Variants in MYO1C observed in about 807,000 individuals in gnomAD.
The protein encoded by MYO1C is myosin IC, also known as unconventional myosin-Ic.
In MYO1C, 104 loss-of-function variants were observed where a neutral mutation model predicts 150.8. The observed-to-expected ratio is 0.69, with a 90% CI of 0.59 to 0.81. The LOEUF is 0.81. Among genes scored for constraint, MYO1C ranks in the 30% least tolerant of loss-of-function variants. The probability of loss-of-function intolerance (pLI) is 0.00; values close to 1 mark genes in which losing one functional copy is unlikely to be tolerated. For synonymous variants in MYO1C, 663 were observed against 579.9 expected (o/e 1.14, Z -2.06); for missense variants, 1,504 against 1,435.0 (o/e 1.05, Z -0.78).
rs1361402335 is a variant in MYO1C at position 1,478,057 on chromosome 17, C to T, written c.1401+30G>A. 9 of 1,613,464 alleles carry T rather than the reference C, an allele frequency of 5.6e-6. No homozygotes were observed. Among genetic ancestry groups the T allele is most frequent in the Non-Finnish European group, 7.6e-6 (9 of 1,179,478 alleles). On this transcript the variant is annotated intron_variant, in intron 12 of 31. Coordinates refer to ENST00000648651, the MANE Select transcript of MYO1C (RefSeq NM_001080779.2). The surrounding 1 kb of genome is among the most constrained non-coding windows in gnomAD (Gnocchi z 6.3). ...CCCGATACCCAGGCTCCCCGTGGCC[C>T]ACGGAGAGTGCCCCCAGGCTAGCAC...
rs8080389 is a variant in MYO1C at position 1,468,524 on chromosome 17, T to C, written c.2611-28A>G. ...GAGGAGACAAGGGGGGTGAGGAGAGTGTCATGGTGGGGAGCACCATCTTGG... is the reference window on the plus strand; with the variant it reads ...GAGGAGACAAGGGGGGTGAGGAGAGCGTCATGGTGGGGAGCACCATCTTGG... On this transcript the variant is annotated intron_variant, in intron 25 of 31. Transcript: ENST00000648651. The C allele has an allele frequency of 6.3e-6, 10 of 1,577,774 alleles. No individual in the cohort carries two copies. The East Asian group carries it at 2.2e-4, about 35-fold the overall frequency.
rs760810385 is a variant in MYO1C at position 1,467,208 on chromosome 17, C to G, written c.3165+34G>C. The G allele has an allele frequency of 1.5e-5, 24 of 1,577,660 alleles. No homozygotes were observed. The East Asian group carries it at 5.2e-4, about 34-fold the overall frequency. ...GCCAAGGAAGGCTTGGCTATCACAGCCAGGCCATAAGCGGGAAAGCAGGCC... is the reference window on the plus strand; with the variant it reads ...GCCAAGGAAGGCTTGGCTATCACAGGCAGGCCATAAGCGGGAAAGCAGGCC... On this transcript the variant is annotated intron_variant, in intron 31 of 31. Transcript: ENST00000648651.
At chr17:1,468,690 G>A in intron 25 of MYO1C, 194 bp from the exon 26 acceptor site, 2 of 611,182 alleles carry the variant, frequency 3.3e-6, no homozygotes, top group South Asian at 1.9e-5. Flanking sequence ...CCGCCACCAA[G>A]CACTCCCCAG....
chr17:1,471,191 C>A, intron 20 of MYO1C, 32 bp downstream of exon 20: 1 of 1,613,842 alleles, frequency 6.2e-7, no homozygotes, highest in Non-Finnish European at 8.5e-7. Flanking sequence ...CACTCCCATT[C>A]CCCGCAGGCA....
At position 1,471,887 on chromosome 17, in the gene MYO1C, C is replaced by A. The variant is rs554006483; in HGVS notation, c.2021+20G>T. The A allele has an allele frequency of 2.5e-6, 4 of 1,611,510 alleles. No individual in the cohort carries two copies. The highest frequency in any genetic ancestry group is 3.3e-5 in the Admixed American group (2 of 60,020). On this transcript the variant is annotated intron_variant, in intron 19 of 31. Coordinates refer to ENST00000648651, the MANE Select transcript of MYO1C (RefSeq NM_001080779.2). ...CCCTCCCGCTCCCCTTCCCTGGCAC[C>A]GAGCAGGACCTGCCCCCACCTTTGC...
rs2074153828 is a variant in MYO1C at position 1,465,630 on chromosome 17, G to T, written c.*96C>A. 1 of 1,232,486 alleles carries T rather than the reference G, an allele frequency of 8.1e-7. No homozygotes were observed. The highest frequency in any genetic ancestry group is 1.1e-6 in the Non-Finnish European group (1 of 942,200). The allele number at this position is 1,232,486 out of a possible 1,614,324, so 76.3% of individuals were successfully genotyped here. A position where few individuals can be genotyped will look rare whatever the true frequency, so the allele number is the denominator to read the frequency against. On this transcript the variant is annotated 3_prime_UTR_variant, in exon 32 of 32. Coordinates refer to ENST00000648651, the MANE Select transcript of MYO1C (RefSeq NM_001080779.2). ...GCAGGTGGGCTTCGGGGTGTCCCTG[G>T]GTCCCTGTCTGGAAGTTCGAGTCTT...
At position 1,482,534 on chromosome 17, in the gene MYO1C, G is replaced by A. The variant is rs149353437; in HGVS notation, c.571C>T (p.Arg191Trp). Residue 191 changes from arginine (R) to tryptophan (W), a missense_variant, in exon 5 of 32, where the codon CGG becomes TGG. By Grantham distance (101) the Arg-to-Trp change is moderately radical. Transcript: ENST00000648651. ...LEAFGNAKTL[R>W]NDNSSRFGKY... ...CCGAACCTGCTGGAGTTATCGTTCC[G>A]GAGGGTCTTGGCATTTCCAAAGGCC... 295 of 1,613,834 alleles carry A rather than the reference G, an allele frequency of 1.8e-4. No individual in the cohort carries two copies. The highest frequency in any genetic ancestry group is 2.9e-4 in the South Asian group (26 of 91,066).
chr17:1,483,182 C>G, intron 3 of MYO1C, 123 bp from the exon 4 acceptor site: 1 of 970,504 alleles, frequency 1.0e-6, no homozygotes, highest in South Asian at 1.6e-5. Flanking sequence ...AGGATGGGGA[C>G]TGGGGGTCCC....
At position 1,467,241 on chromosome 17, in the gene MYO1C, C is replaced by G; in HGVS notation, c.3165+1G>C. The G allele has an allele frequency of 6.2e-7, 1 of 1,610,898 alleles. No homozygotes were observed. On this transcript the variant is annotated splice_donor_variant, in intron 31 of 31. Transcript: ENST00000648651. LOFTEE classifies it high-confidence loss of function. ...TAAGCGGGAAAGCAGGCCCCACTCA[C>G]CACAGCCAGGTGCCCGTTCTTGGCC...
chr17:1,477,837 G>A (rs907484017), intron 13 of MYO1C, 54 bp downstream of exon 13: 5 of 1,502,538 alleles, frequency 3.3e-6, no homozygotes, highest in Admixed American at 1.7e-5. Flanking sequence ...GGAGAAGGGG[G>A]ACATCCTCCC....
At chr17:1,484,094 C>T (rs1157968050) in intron 2 of MYO1C, 54 bp downstream of exon 2, 3 of 1,605,658 alleles carry the variant, frequency 1.9e-6, no homozygotes, top group Admixed American at 3.3e-5. Flanking sequence ...TTCCCCTCCG[C>T]TTGCCTGTGT....
rs2074643730 is a variant in MYO1C at position 1,485,800 on chromosome 17, C to CCCCCCGCA, written c.76-1498_76-1497insTGCGGGGG. 17 of 644,116 alleles carry CCCCCCGCA rather than the reference C, an allele frequency of 2.6e-5. No homozygotes were observed. In the Admixed American group the frequency reaches 3.6e-4, roughly 14 times the overall value. 39.9% of individuals were successfully genotyped at this position (644,116 alleles called of 1,614,324 possible). A position where few individuals can be genotyped will look rare whatever the true frequency, so the allele number is the denominator to read the frequency against. On this transcript the variant is annotated intron_variant, in intron 1 of 31. Transcript: ENST00000648651. ...TGGCGGCGGCGTCAGCGAGGGAGGG[C>CCCCCCGCA]CCGCCCCCCGCACCGCCCCCACCCG...
chr17:1,492,520 C>T lies in MYO1C; in HGVS notation c.-33G>A, dbSNP rs568146557. On this transcript the variant is annotated 5_prime_UTR_variant, in exon 1 of 32. Coordinates refer to ENST00000648651, the MANE Select transcript of MYO1C (RefSeq NM_001080779.2). ...TGCGGAGAGCCAGCGGCCTGGGCAC[C>T]GCGGCCTGTGAGCAAGAGCTGCCTG... is the stretch of plus-strand genomic sequence containing the variant. 7 of 1,571,466 alleles carry T rather than the reference C, an allele frequency of 4.5e-6. No individual in the cohort carries two copies. The Admixed American group carries it at 5.5e-5, about 12-fold the overall frequency.
At chr17:1,490,452 C>T (rs1214174984) in intron 1 of MYO1C, among the ~76,000 whole-genome samples, 2 of 152,038 alleles carry the variant, frequency 1.3e-5, no homozygotes, top group African/African-American at 2.4e-5. Flanking sequence ...GAGCAGAGGT[C>T]GCACCACTGC....
intron 1 of MYO1C, chr17:1,491,586 C>A: frequency 1.0e-6 from 1 of 979,066 alleles, no homozygotes; most frequent in Non-Finnish European, 1.2e-6. Flanking sequence ...CGTCCCCGCG[C>A]CCCGAGTACC....
At position 1,467,269 on chromosome 17, in the gene MYO1C, G is replaced by A; in HGVS notation, c.3138C>T (p.Thr1046=). Residue 1046 remains threonine, a synonymous_variant, in exon 31 of 32, where the codon ACC becomes ACT. Coordinates refer to ENST00000648651, the MANE Select transcript of MYO1C (RefSeq NM_001080779.2). ...DFTPGSELLI[T]KAKNGHLAVV... is the part of the protein sequence containing the mutation. ...CAGCCAGGTGCCCGTTCTTGGCCTT[G>A]GTGATGAGCAGCTCCGAGCCGGGTG... The A allele has an allele frequency of 1.2e-6, 2 of 1,613,402 alleles. No individual in the cohort carries two copies. Among genetic ancestry groups the A allele is most frequent in the Non-Finnish European group, 1.7e-6 (2 of 1,179,756 alleles).
chr17:1,486,809 C>T (rs192254346), intron 1 of MYO1C: 1 of 152,544 alleles, frequency 6.6e-6, no homozygotes, highest in Non-Finnish European at 1.5e-5. Flanking sequence ...AGCCATCGCG[C>T]CCGGCCCATC....
rs1229033080 is a variant in MYO1C, at chr17:1,492,548, C to T, written c.-61G>A. 3 of 1,492,488 alleles carry T rather than the reference C, an allele frequency of 2.0e-6. No homozygotes were observed. Among genetic ancestry groups the T allele is most frequent in the South Asian group, 1.2e-5 (1 of 83,568 alleles). The allele number at this position is 1,492,488 out of a possible 1,614,324, so 92.5% of individuals were successfully genotyped here. A position where few individuals can be genotyped will look rare whatever the true frequency, so the allele number is the denominator to read the frequency against. ...GGCCTGTGAGCAAGAGCTGCCTGCCCACTGGCGGGCTCCGACCACTCCGGG... is the reference window on the plus strand; with the variant it reads ...GGCCTGTGAGCAAGAGCTGCCTGCCTACTGGCGGGCTCCGACCACTCCGGG... On this transcript the variant is annotated 5_prime_UTR_variant, in exon 1 of 32. Coordinates refer to ENST00000648651, the MANE Select transcript of MYO1C (RefSeq NM_001080779.2).
intron 7 of MYO1C, among the ~76,000 whole-genome samples, chr17:1,480,171 G>C (rs1451911221): frequency 7.1e-6 from 1 of 140,292 alleles, no homozygotes; most frequent in Non-Finnish European, 1.5e-5. Flanking sequence ...AAAAAAAAGG[G>C]ATTACTGGCC....
Sources: allele counts gnomAD v4.1 joint callset (sites outside exome capture counted in the v4.1 genomes callset), GRCh38; gene constraint gnomAD v4.1.1; non-coding constraint Gnocchi (gnomAD v3.1); transcripts MANE v1.5; gene names NCBI Gene and HGNC (gene_info 2026-07-23, HGNC 2026-07-21).